Variants in EXOC4 observed in about 807,000 individuals in gnomAD.
EXOC4 encodes exocyst complex component 4.
A neutral mutation model predicts 107.2 loss-of-function variants in EXOC4; 71 were observed. That is an observed-to-expected ratio of 0.66 (90% CI 0.55 to 0.81). The LOEUF (loss-of-function observed/expected upper bound fraction) is 0.81, where lower values mean the gene tolerates loss of function less well. EXOC4 is among the 30% of genes least tolerant of loss of function. EXOC4 has a pLI of 0.00. For synonymous variants in EXOC4, 456 were observed against 441.2 expected (o/e 1.03, Z -0.42); for missense variants, 1,108 against 1,189.6 (o/e 0.93, Z 1.01).
chr7:133,513,941 G>A (rs1160134576), intron 9 of EXOC4, among the ~76,000 whole-genome samples: 1 of 152,106 alleles, frequency 6.6e-6, no homozygotes, highest in African/African-American at 2.4e-5. Context: ...TGTTCCATTG[G>A]GTAGTGTTTT....
chr7:134,078,821 TAA>T, the EXOC4 span, among the ~76,000 whole-genome samples: 1 of 152,194 alleles, frequency 6.6e-6, no homozygotes, highest in Admixed American at 6.5e-5. Flanking sequence ...CAGCAAACAT[TAA>T]ATTATTTTCA....
chr7:133,452,005 G>T (rs149333803), intron 7 of EXOC4, among the ~76,000 whole-genome samples: 101 of 152,070 alleles, frequency 6.6e-4, no homozygotes, highest in Non-Finnish European at 1.3e-3. Context: ...TTAATTGTAC[G>T]GTTCAGTAGT....
At chr7:133,652,182 T>C (rs1803173766) in intron 10 of EXOC4, among the ~76,000 whole-genome samples, 1 of 152,168 alleles carries the variant, frequency 6.6e-6, no homozygotes, top group African/African-American at 2.4e-5. Context: ...GTATTAATAC[T>C]TATAATAGAA....
intron 10 of EXOC4, among the ~76,000 whole-genome samples, chr7:133,692,117 T>C (rs1022550592): frequency 6.6e-6 from 1 of 152,160 alleles, no homozygotes; most frequent in South Asian, 2.1e-4. Flanking sequence ...GTGGTAGTTT[T>C]AACCTGAAAA....
intron 17 of EXOC4, among the ~76,000 whole-genome samples, chr7:134,023,527 C>T (rs1307266930): frequency 2.0e-5 from 3 of 151,950 alleles, no homozygotes; most frequent in Non-Finnish European, 4.4e-5. Flanking sequence ...TTATTTAATC[C>T]TTATACTAAC....
chr7:133,622,960 C>T (rs1342086226), intron 9 of EXOC4, among the ~76,000 whole-genome samples: 3 of 152,120 alleles, frequency 2.0e-5, no homozygotes, highest in Non-Finnish European at 4.4e-5. Context: ...TTGAGCAAGA[C>T]ACTTCATGCC....
intron 10 of EXOC4, among the ~76,000 whole-genome samples, chr7:133,681,131 A>C (rs1014326138): frequency 3.3e-5 from 5 of 152,200 alleles, no homozygotes; most frequent in Non-Finnish European, 5.9e-5. Context: ...ATGGGCTTCC[A>C]TCTTCCTTTC....
intron 10 of EXOC4, among the ~76,000 whole-genome samples, chr7:133,773,464 T>TTTATTA (rs141227227): frequency 0.015 from 2,263 of 149,270 alleles, 51 homozygotes; most frequent in African/African-American, 0.048. Context: ...TTACTAGGTT[T>TTTATTA]TTATTATTAT....
intron 10 of EXOC4, among the ~76,000 whole-genome samples, chr7:133,646,569 C>A (rs1452614619): frequency 2.6e-5 from 4 of 152,168 alleles, no homozygotes; most frequent in Non-Finnish European, 5.9e-5. Flanking sequence ...ACCAAACCCA[C>A]TTCTGGGAAT....
chr7:133,761,041 A>G (rs894424312), intron 10 of EXOC4, among the ~76,000 whole-genome samples: 10 of 152,206 alleles, frequency 6.6e-5, no homozygotes, highest in African/African-American at 2.4e-4. Context: ...TGTTCAGCCT[A>G]TTGATGATAA....
chr7:133,817,392 C>T lies in EXOC4; in HGVS notation c.1582C>T (p.Leu528Phe), dbSNP rs1563011300. 4 of 1,614,112 alleles carry T rather than the reference C, an allele frequency of 2.5e-6. No individual in the cohort carries two copies. Among genetic ancestry groups the T allele is most frequent in the Non-Finnish European group, 3.4e-6 (4 of 1,179,994 alleles). Residue 528 changes from leucine to phenylalanine, a missense_variant, in exon 11 of 18, where the codon CTC (leucine) becomes TTC (phenylalanine). Coordinates refer to ENST00000253861, the MANE Select transcript of EXOC4 (RefSeq NM_021807.4). Reference sequence around the variant, plus strand: ...CAAACAGTGTCCTCTTCGAGAGTTTCTCACCGTGTACATCAAAAACATCTT... The same window carrying T: ...CAAACAGTGTCCTCTTCGAGAGTTTTTCACCGTGTACATCAAAAACATCTT... ...PAKQCPLREF[L>F]TVYIKNIFLN...
At chr7:133,915,166 G>T (rs1283453619) in intron 12 of EXOC4, among the ~76,000 whole-genome samples, 1 of 152,208 alleles carries the variant, frequency 6.6e-6, no homozygotes, top group South Asian at 2.1e-4. Context: ...ATTAGTGCAG[G>T]CTGCTCCTTT....
At chr7:133,897,231 A>G (rs910210782) in intron 12 of EXOC4, among the ~76,000 whole-genome samples, 2 of 148,262 alleles carry the variant, frequency 1.3e-5, no homozygotes, top group African/African-American at 5.1e-5. Flanking sequence ...CAGCAAGAAG[A>G]ATGATCCACA....
chr7:133,270,830 C>T (rs1159900767), intron 1 of EXOC4, among the ~76,000 whole-genome samples: 1 of 151,808 alleles, frequency 6.6e-6, no homozygotes, highest in Non-Finnish European at 1.5e-5. Flanking sequence ...GGTTAAGGGA[C>T]TAGTGATAAT....
Position 133,708,540 on chromosome 7 carries a change from C to T in EXOC4, c.1514+78399C>T, listed in dbSNP as rs989939565. ...CTGCAGAACAGACAAGATTCCCTGCCGTTGTAGAGGTTAAATTCTGATGAG... is the reference window on the plus strand; with the variant it reads ...CTGCAGAACAGACAAGATTCCCTGCTGTTGTAGAGGTTAAATTCTGATGAG... On this transcript the variant is annotated intron_variant, in intron 10 of 17. Transcript: ENST00000253861. 5.3e-5 allele frequency among the ~76,000 whole-genome samples: 8 copies of T among 152,062 alleles called. No individual in the cohort carries two copies. The South Asian group carries it at 1.2e-3, about 24-fold the overall frequency.
chr7:133,819,011 C>T (rs1200441311), intron 11 of EXOC4, among the ~76,000 whole-genome samples: 1 of 152,122 alleles, frequency 6.6e-6, no homozygotes, highest in Non-Finnish European at 1.5e-5. Flanking sequence ...TTCTTCTCCC[C>T]TTCCTCTTCA....
At chr7:133,560,340 A>G (rs1800782491) in intron 9 of EXOC4, among the ~76,000 whole-genome samples, 1 of 152,118 alleles carries the variant, frequency 6.6e-6, no homozygotes, top group Non-Finnish European at 1.5e-5. Flanking sequence ...GCTAGAGTGC[A>G]GTGGCGCAAC....
chr7:133,935,707 C>G (rs1800283842), intron 13 of EXOC4, among the ~76,000 whole-genome samples: 1 of 152,078 alleles, frequency 6.6e-6, no homozygotes, highest in South Asian at 2.1e-4. Flanking sequence ...GTGTTATGCA[C>G]TTAAAAGCAT....
chr7:133,792,981 C>G (rs1434222819), intron 10 of EXOC4, among the ~76,000 whole-genome samples: 2 of 152,138 alleles, frequency 1.3e-5, no homozygotes, highest in African/African-American at 2.4e-5. Flanking sequence ...ATCAGCAAGA[C>G]CCTAGTGAGG....
Sources: gnomAD v4.1 joint callset for allele counts (sites outside exome capture counted in the v4.1 genomes callset) on GRCh38, gnomAD v4.1.1 for gene constraint, MANE v1.5 for transcripts, NCBI Gene and HGNC (gene_info 2026-07-23, HGNC 2026-07-21) for gene names.